Variants in MACROD2 observed in about 807,000 individuals in gnomAD.
The protein encoded by MACROD2 is mono-ADP ribosylhydrolase 2, also known as ADP-ribose glycohydrolase MACROD2.
A neutral mutation model predicts 70.4 loss-of-function variants in MACROD2; 36 were observed. The ratio of observed to expected loss-of-function variants is 0.51; its 90% CI spans 0.39 to 0.68. The LOEUF (loss-of-function observed/expected upper bound fraction) is 0.68. MACROD2 is among the 30% of genes least tolerant of loss of function. MACROD2 has a pLI of 0.00. For missense variants in MACROD2, 496 were observed against 538.4 expected, an observed-to-expected ratio of 0.92 and a Z score of 0.78; for synonymous variants, 172 against 178.8, an observed-to-expected ratio of 0.96 and a Z score of 0.30.
intron 8 of MACROD2, among the ~76,000 whole-genome samples, chr20:15,788,953 G>A (rs1019787751): frequency 6.6e-6 from 1 of 152,052 alleles, no homozygotes; most frequent in African/African-American, 2.4e-5. Flanking sequence ...ATATTGGCTT[G>A]TGCTTCATTC....
intron 5 of MACROD2, among the ~76,000 whole-genome samples, chr20:15,145,785 T>C (rs1036089750): frequency 2.6e-5 from 4 of 152,094 alleles, no homozygotes; most frequent in Non-Finnish European, 5.9e-5. Context: ...GTTTTTAATG[T>C]TTAAAAATTT....
intron 8 of MACROD2, among the ~76,000 whole-genome samples, chr20:15,643,661 A>G (rs1191849821): frequency 6.6e-6 from 1 of 152,244 alleles, no homozygotes; most frequent in Non-Finnish European, 1.5e-5. Context: ...ATGAATTTAT[A>G]AATACACAAA....
intron 3 of MACROD2, among the ~76,000 whole-genome samples, chr20:14,317,242 A>G (rs1378231113): frequency 6.6e-6 from 1 of 152,098 alleles, no homozygotes; most frequent in Non-Finnish European, 1.5e-5. Flanking sequence ...TTCTCTTGTT[A>G]TGCTCACTCA....
intron 4 of MACROD2, among the ~76,000 whole-genome samples, chr20:14,636,923 T>C (rs1984817792): frequency 6.6e-6 from 1 of 152,098 alleles, no homozygotes; most frequent in African/African-American, 2.4e-5. Context: ...CACTGAATTG[T>C]GGAAAGGTAA....
At chr20:14,027,863 G>A (rs1465576567) in intron 2 of MACROD2, among the ~76,000 whole-genome samples, 2 of 152,176 alleles carry the variant, frequency 1.3e-5, no homozygotes, top group African/African-American at 2.4e-5. Context: ...CGGCTGGGAG[G>A]TGTCACCTAG....
intron 9 of MACROD2, among the ~76,000 whole-genome samples, chr20:15,865,494 C>T (rs767261047): frequency 6.6e-6 from 1 of 152,164 alleles, no homozygotes; most frequent in Admixed American, 6.5e-5. Flanking sequence ...TTCATGATAA[C>T]TCTAAGAAAG....
At chr20:15,532,175 A>C (rs1052854982) in intron 8 of MACROD2, among the ~76,000 whole-genome samples, 12 of 152,152 alleles carry the variant, frequency 7.9e-5, no homozygotes, top group Non-Finnish European at 1.5e-4. Flanking sequence ...AAGCATGCTC[A>C]GTTAGATTTG....
intron 3 of MACROD2, among the ~76,000 whole-genome samples, chr20:14,479,730 G>A (rs2084640833): frequency 6.6e-6 from 1 of 151,904 alleles, no homozygotes; most frequent in South Asian, 2.1e-4. Flanking sequence ...ATCTGAGAGG[G>A]CAGAATTTTG....
At chr20:14,057,861 G>A (rs1333330376) in intron 2 of MACROD2, among the ~76,000 whole-genome samples, 1 of 152,100 alleles carries the variant, frequency 6.6e-6, no homozygotes, top group Non-Finnish European at 1.5e-5. Flanking sequence ...CATGAATTGC[G>A]GCCCCGTGCA....
intron 3 of MACROD2, among the ~76,000 whole-genome samples, chr20:14,293,120 A>G (rs1286085650): frequency 6.6e-6 from 1 of 151,814 alleles, no homozygotes; most frequent in Admixed American, 6.6e-5. Flanking sequence ...GAGAATATAT[A>G]TTAACACAAT....
chr20:14,535,790 T>G (rs2123218871), intron 4 of MACROD2, among the ~76,000 whole-genome samples: 1 of 152,286 alleles, frequency 6.6e-6, no homozygotes, highest in Admixed American at 6.5e-5. Flanking sequence ...ACCAACAGGC[T>G]TAAGCATGAG....
intron 4 of MACROD2, among the ~76,000 whole-genome samples, chr20:14,575,202 A>G (rs955165915): frequency 5.3e-5 from 8 of 152,128 alleles, no homozygotes; most frequent in African/African-American, 1.9e-4. Context: ...CCTTAATATA[A>G]TAAACCCATT....
At chr20:14,062,199 A>G (rs977344924) in intron 2 of MACROD2, among the ~76,000 whole-genome samples, 1 of 152,050 alleles carries the variant, frequency 6.6e-6, no homozygotes, top group Non-Finnish European at 1.5e-5. Flanking sequence ...CCTTTGTTTT[A>G]GCTTCTTTGT....
chr20:14,348,291 TAAAG>T (rs150685543), intron 3 of MACROD2, among the ~76,000 whole-genome samples: 6,374 of 137,486 alleles, frequency 0.046, 421 homozygotes, highest in African/African-American at 0.15. Flanking sequence ...ATAAATAAAA[TAAAG>T]AAAGAAAGAA....
chr20:14,744,331 T>A (rs1194576337), intron 5 of MACROD2, among the ~76,000 whole-genome samples: 1 of 152,196 alleles, frequency 6.6e-6, no homozygotes, highest in African/African-American at 2.4e-5. Flanking sequence ...AAAAATTTTT[T>A]AATTGACGTA....
intron 15 of MACROD2, among the ~76,000 whole-genome samples, chr20:15,994,010 C>G (rs2066594561): frequency 1.3e-5 from 2 of 152,178 alleles, no homozygotes; most frequent in Admixed American, 1.3e-4. Context: ...TCTCTTTTAT[C>G]CATTGTCAAG....
At chr20:14,732,863 G>T (rs1278140193) in intron 5 of MACROD2, among the ~76,000 whole-genome samples, 5 of 152,022 alleles carry the variant, frequency 3.3e-5, no homozygotes, top group African/African-American at 9.7e-5. Context: ...CTCTTGTTAA[G>T]GAATGAATTA....
Position 15,298,752 on chromosome 20 carries a change from G to A in MACROD2, c.540+68691G>A, listed in dbSNP as rs1341684964. ...TTATATATTAAAAGAGTATTTATGGGGTGCAGTCATGAAAATGGCTACCAG... is the reference window on the plus strand; with the variant it reads ...TTATATATTAAAAGAGTATTTATGGAGTGCAGTCATGAAAATGGCTACCAG... On this transcript the variant is annotated intron_variant, in intron 6 of 17. Transcript: ENST00000684519. Among the ~76,000 whole-genome samples the A allele has an allele frequency of 2.0e-5, 3 of 152,032 alleles. No homozygotes were observed. The East Asian group carries it at 5.8e-4, about 29-fold the overall frequency.
intron 8 of MACROD2, among the ~76,000 whole-genome samples, chr20:15,788,296 G>T (rs1568561438): frequency 6.6e-6 from 1 of 152,112 alleles, no homozygotes; most frequent in Non-Finnish European, 1.5e-5. Flanking sequence ...TGTTGTTGTG[G>T]GTATACTTTA....
Sources: allele counts gnomAD v4.1 joint callset (sites outside exome capture counted in the v4.1 genomes callset), GRCh38; gene constraint gnomAD v4.1.1; transcripts MANE v1.5; gene names NCBI Gene and HGNC (gene_info 2026-07-23, HGNC 2026-07-21).